The following PPP2R2B variants were observed in gnomAD, a reference collection of about 807,000 sequenced individuals.
The protein encoded by PPP2R2B is serine/threonine-protein phosphatase 2A 55 kDa regulatory subunit B beta isoform.
Under a neutral mutation model 46.0 loss-of-function variants are expected in PPP2R2B, and 5 were observed. The observed-to-expected ratio is 0.11, with a 90% CI of 0.06 to 0.23. The LOEUF is 0.23. Ranked by LOEUF, PPP2R2B falls within the 10% of genes least tolerant of loss-of-function variation. The pLI, the probability that PPP2R2B is intolerant of heterozygous loss-of-function variation, is 1.00. For synonymous variants in PPP2R2B, 215 were observed against 206.7 expected, an observed-to-expected ratio of 1.04 and a Z score of -0.34; for missense variants, 367 against 575.0, an observed-to-expected ratio of 0.64 and a Z score of 3.70.
At chr5:147,059,529 G>C (rs1269257048), upstream of PPP2R2B, among the ~76,000 whole-genome samples, 1 of 152,128 alleles carries the variant, frequency 6.6e-6, no homozygotes, top group Non-Finnish European at 1.5e-5. Flanking sequence ...GGTTTCTGGA[G>C]GGAGAGCTCA....
At chr5:147,023,371 GATAA>G (rs1427718453) in intron 1 of PPP2R2B, among the ~76,000 whole-genome samples, 1 of 152,044 alleles carries the variant, frequency 6.6e-6, no homozygotes, top group Non-Finnish European at 1.5e-5. Context: ...AAAGCAGATG[GATAA>G]ATAGAGAAAA....
chr5:146,779,101 A>G (rs774233031), intron 2 of PPP2R2B, among the ~76,000 whole-genome samples: 1 of 152,202 alleles, frequency 6.6e-6, no homozygotes, highest in Non-Finnish European at 1.5e-5. Context: ...TCTCTCAAAG[A>G]AAGTAGCTGG....
At chr5:146,730,126 C>T (rs112042148) in intron 2 of PPP2R2B, among the ~76,000 whole-genome samples, 16,305 of 152,156 alleles carry the variant, frequency 0.11, 1,155 homozygotes, top group East Asian at 0.39. Flanking sequence ...ATCAGTGTGA[C>T]CTGGATATGA....
chr5:146,904,794 G>A (rs1157628595), intron 1 of PPP2R2B, among the ~76,000 whole-genome samples: 1 of 152,154 alleles, frequency 6.6e-6, no homozygotes, highest in African/African-American at 2.4e-5. Context: ...CATGGTACTG[G>A]AGGTCATGGT....
At chr5:146,740,798 G>C (rs1410750447) in intron 2 of PPP2R2B, among the ~76,000 whole-genome samples, 1 of 152,008 alleles carries the variant, frequency 6.6e-6, no homozygotes, top group Non-Finnish European at 1.5e-5. Flanking sequence ...GGATAATAAT[G>C]CAAAAATTAG....
chr5:146,939,584 C>T (rs1268237327), intron 1 of PPP2R2B, among the ~76,000 whole-genome samples: 1 of 152,174 alleles, frequency 6.6e-6, no homozygotes, highest in Non-Finnish European at 1.5e-5. Flanking sequence ...CTAGGCTCCA[C>T]TTTAAGGGGA....
At chr5:146,754,115 C>T (rs546886011) in intron 2 of PPP2R2B, among the ~76,000 whole-genome samples, 30 of 152,284 alleles carry the variant, frequency 2.0e-4, no homozygotes, top group Middle Eastern at 6.8e-3. Context: ...CACAAGCCCC[C>T]GCCACGTGTC....
chr5:146,866,153 C>T (rs1193578993), intron 2 of PPP2R2B, among the ~76,000 whole-genome samples: 4 of 152,152 alleles, frequency 2.6e-5, no homozygotes, highest in Admixed American at 6.5e-5. Flanking sequence ...TCATCTGACC[C>T]TCTACAGGAA....
Position 146,802,351 on chromosome 5 carries a change from G to C in PPP2R2B, c.70+75651C>G, listed in dbSNP as rs541273477. Among the ~76,000 whole-genome samples, 199 of 152,244 alleles carry C rather than the reference G, an allele frequency of 1.3e-3. 1 individual carries two copies. Among genetic ancestry groups the C allele is most frequent in the Non-Finnish European group, 2.2e-3 (150 of 68,016 alleles). Reference sequence around the variant, plus strand: ...TAAATTCTACCCAAGAACTCAACAGGGGGGTGGCAAATGAATACCTGAGGG... The same window carrying C: ...TAAATTCTACCCAAGAACTCAACAGCGGGGTGGCAAATGAATACCTGAGGG... On this transcript the variant is annotated intron_variant, in intron 2 of 9. Coordinates refer to ENST00000394411, the MANE Select transcript of PPP2R2B (RefSeq NM_181675.4).
chr5:147,019,661 A>C (rs1427296428), intron 1 of PPP2R2B, among the ~76,000 whole-genome samples: 1 of 152,152 alleles, frequency 6.6e-6, no homozygotes, highest in Non-Finnish European at 1.5e-5. Context: ...AGTGCTTTGC[A>C]TCTGGGATCT....
At chr5:146,596,553 A>T (rs963009709) in intron 8 of PPP2R2B, among the ~76,000 whole-genome samples, 1 of 152,140 alleles carries the variant, frequency 6.6e-6, no homozygotes, top group African/African-American at 2.4e-5. Flanking sequence ...CTTTGTCCTA[A>T]ATCTACTCTT....
At chr5:146,779,377 A>T (rs1260332380) in intron 2 of PPP2R2B, among the ~76,000 whole-genome samples, 7 of 152,032 alleles carry the variant, frequency 4.6e-5, no homozygotes, top group Admixed American at 4.6e-4. Flanking sequence ...TAAGATCTGA[A>T]CCCTGGGCCT....
chr5:146,850,417 C>CA (rs1393241996), intron 2 of PPP2R2B, among the ~76,000 whole-genome samples: 1 of 152,040 alleles, frequency 6.6e-6, no homozygotes, highest in Non-Finnish European at 1.5e-5. Flanking sequence ...AGATAAAAAG[C>CA]AAAAATGGCT....
intron 1 of PPP2R2B, among the ~76,000 whole-genome samples, chr5:147,041,932 G>C (rs1051390583): frequency 7.9e-5 from 12 of 151,984 alleles, no homozygotes; most frequent in African/African-American, 2.7e-4. Context: ...TTAGCTAAGA[G>C]AGCCAGACAG....
At chr5:147,001,835 A>G (rs61225211) in intron 1 of PPP2R2B, among the ~76,000 whole-genome samples, 1,844 of 152,044 alleles carry the variant, frequency 0.012, 34 homozygotes, top group African/African-American at 0.042. Flanking sequence ...ACAACCCCCA[A>G]CTCTTCGGAG....
chr5:146,966,575 C>T (rs922067398), intron 1 of PPP2R2B, among the ~76,000 whole-genome samples: 13 of 152,166 alleles, frequency 8.5e-5, no homozygotes, highest in Non-Finnish European at 1.5e-4. Context: ...AAAAGCATAT[C>T]GTTGTCTGAA....
At chr5:146,863,954 A>G (rs576183632) in intron 2 of PPP2R2B, among the ~76,000 whole-genome samples, 1 of 152,314 alleles carries the variant, frequency 6.6e-6, no homozygotes, top group East Asian at 1.9e-4. Context: ...ATATGGACAG[A>G]ACAAAAGTGG....
At chr5:146,728,101 T>C (rs923312955) in intron 2 of PPP2R2B, among the ~76,000 whole-genome samples, 2 of 152,068 alleles carry the variant, frequency 1.3e-5, no homozygotes, top group Non-Finnish European at 2.9e-5. Context: ...TAAAAAACTT[T>C]TAGTTTCTCT....
chr5:146,892,218 G>T (rs1254191953), intron 1 of PPP2R2B, among the ~76,000 whole-genome samples: 1 of 152,184 alleles, frequency 6.6e-6, no homozygotes, highest in East Asian at 1.9e-4. Flanking sequence ...AAGAGCAAAG[G>T]TCAATTCTGC....
Sources: allele counts gnomAD v4.1 joint callset (sites outside exome capture counted in the v4.1 genomes callset), GRCh38; gene constraint gnomAD v4.1.1; transcripts MANE v1.5; gene names NCBI Gene and HGNC (gene_info 2026-07-23, HGNC 2026-07-21).